Variants in GSR observed in about 807,000 individuals in gnomAD.
GSR encodes the protein glutathione-disulfide reductase, also known as glutathione reductase, mitochondrial.
In GSR, 48 loss-of-function variants were observed where a neutral mutation model predicts 56.5. The ratio of observed to expected loss-of-function variants is 0.85; its 90% CI spans 0.67 to 1.08. The LOEUF (loss-of-function observed/expected upper bound fraction) is 1.08, where lower values mean the gene tolerates loss of function less well. GSR is among the 50% of genes least tolerant of loss of function. The pLI, the probability that GSR is intolerant of heterozygous loss-of-function variation, is 0.00. For missense variants in GSR, 694 were observed against 703.3 expected (o/e 0.99, Z 0.15); for synonymous variants, 264 against 270.8 (o/e 0.97, Z 0.25).
chr8:30,708,685 G>A (rs939061575), intron 3 of GSR, among the ~76,000 whole-genome samples: 8 of 152,068 alleles, frequency 5.3e-5, no homozygotes, highest in Admixed American at 2.0e-4. Flanking sequence ...GGCCGGGCGC[G>A]GTGGCTCACG....
At chr8:30,708,679 G>T (rs571991403) in intron 3 of GSR, among the ~76,000 whole-genome samples, 1 of 152,102 alleles carries the variant, frequency 6.6e-6, no homozygotes, top group Non-Finnish European at 1.5e-5. Flanking sequence ...AAAACAGGCC[G>T]GGCGCGGTGG....
At chr8:30,711,524 T>C (rs1164209393) in intron 2 of GSR, among the ~76,000 whole-genome samples, 1 of 152,168 alleles carries the variant, frequency 6.6e-6, no homozygotes, top group African/African-American at 2.4e-5. Flanking sequence ...GAAAAAACTA[T>C]CCTGTGGTGT....
rs537989485 is a variant in GSR, at chr8:30,713,060, G to A, written c.307-972C>T. 6.0e-5 allele frequency among the ~76,000 whole-genome samples: 9 copies of A among 150,122 alleles called. No homozygotes were observed. The South Asian group carries it at 1.5e-3, about 24-fold the overall frequency. On this transcript the variant is annotated intron_variant, in intron 1 of 12. Transcript: ENST00000221130. ...AACTACTTTTTTTTTTTTTTGAGAC[G>A]GAGTCTCGCTTTGTTGCCCAGGCTG...
intron 1 of GSR, among the ~76,000 whole-genome samples, chr8:30,715,176 C>A (rs867095353): frequency 6.6e-6 from 1 of 152,076 alleles, no homozygotes; most frequent in Admixed American, 6.6e-5. Context: ...GCCCGTAGTT[C>A]CAGCTATTCA....
intron 7 of GSR, among the ~76,000 whole-genome samples, chr8:30,696,012 C>G (rs1803531181): frequency 6.6e-6 from 1 of 152,024 alleles, no homozygotes; most frequent in Admixed American, 6.6e-5. Flanking sequence ...TGCACTCCAG[C>G]CTGGACAAAA....
intron 6 of GSR, among the ~76,000 whole-genome samples, chr8:30,698,617 C>G (rs1044278710): frequency 5.9e-5 from 9 of 152,202 alleles, no homozygotes; most frequent in Non-Finnish European, 7.3e-5. Context: ...AAGCAGCTCC[C>G]TGGTCCTTTC....
chr8:30,695,281 G>A (rs1803508460), intron 7 of GSR, among the ~76,000 whole-genome samples: 1 of 152,068 alleles, frequency 6.6e-6, no homozygotes, highest in South Asian at 2.1e-4. Flanking sequence ...TGTTGCCCAG[G>A]CTGGAGTGCA....
intron 1 of GSR, among the ~76,000 whole-genome samples, chr8:30,715,789 C>T (rs1405675286): frequency 2.0e-5 from 3 of 152,194 alleles, no homozygotes; most frequent in Non-Finnish European, 4.4e-5. Context: ...ACTCAATGTT[C>T]TAAACTACTC....
chr8:30,684,780 C>T (rs1023863892), intron 9 of GSR, among the ~76,000 whole-genome samples: 8 of 151,916 alleles, frequency 5.3e-5, no homozygotes, highest in East Asian at 1.9e-4. Flanking sequence ...GACAGGGTCT[C>T]GCTCTGTTAC....
chr8:30,691,820 C>T (rs1165708605), intron 8 of GSR, among the ~76,000 whole-genome samples: 6 of 151,536 alleles, frequency 4.0e-5, no homozygotes, highest in Non-Finnish European at 8.8e-5. Flanking sequence ...AATCAGGGGC[C>T]GGGTGTGGTG....
intron 1 of GSR, among the ~76,000 whole-genome samples, chr8:30,714,524 A>T (rs914955139): frequency 8.6e-5 from 13 of 151,126 alleles, no homozygotes; most frequent in African/African-American, 3.2e-4. Context: ...AAAAATAAAA[A>T]ATATTTTTCT....
At chr8:30,682,235 G>A (rs749101302) in intron 10 of GSR, among the ~76,000 whole-genome samples, 174 bp from the exon 11 acceptor site, 9 of 152,058 alleles carry the variant, frequency 5.9e-5, no homozygotes, top group South Asian at 2.1e-4. Context: ...ATGCCTCAGC[G>A]AACAACTCAA....
chr8:30,712,708 C>T (rs966683532), intron 1 of GSR, among the ~76,000 whole-genome samples: 4 of 152,070 alleles, frequency 2.6e-5, no homozygotes, highest in Admixed American at 6.6e-5. Flanking sequence ...CAAAGAAAGG[C>T]TGAACATTGA....
At chr8:30,722,631 C>A (rs1804581129) in intron 1 of GSR, among the ~76,000 whole-genome samples, 1 of 150,172 alleles carries the variant, frequency 6.7e-6, no homozygotes, top group South Asian at 2.1e-4. Flanking sequence ...ACTGGGGAGG[C>A]TGAGGTGGGA....
At chr8:30,696,332 T>G (rs755033052) in intron 7 of GSR, 48 bp downstream of exon 7, 14 of 1,271,368 alleles carry the variant, frequency 1.1e-5, no homozygotes, top group Non-Finnish European at 1.6e-5. Context: ...AATTCTTCAT[T>G]TTTTAAATTA....
intron 2 of GSR, among the ~76,000 whole-genome samples, chr8:30,710,885 TA>T (rs910651307): frequency 2.0e-5 from 3 of 150,718 alleles, no homozygotes; most frequent in African/African-American, 2.4e-5. Flanking sequence ...GTGGTATATT[TA>T]AAAAAAAATA....
chr8:30,689,042 G>A lies in GSR; in HGVS notation c.1041+119C>T, dbSNP rs1199598300. 9 of 841,564 alleles carry A rather than the reference G, an allele frequency of 1.1e-5. No homozygotes were observed. In the African/African-American group the frequency reaches 1.3e-4, roughly 13 times the overall value. The allele number at this position is 841,564 out of a possible 1,614,324, so 52.1% of individuals were successfully genotyped here. On this transcript the variant is annotated intron_variant, in intron 9 of 12. Transcript: ENST00000221130. ...AAATTTGATCACAAACTGAATACAT[G>A]GGAAAAAGAGAAAAGAATCCAATGG...
intron 8 of GSR, 49 bp downstream of exon 8, chr8:30,692,920 A>G: frequency 8.9e-7 from 1 of 1,121,986 alleles, no homozygotes; most frequent in Non-Finnish European, 1.4e-6. Flanking sequence ...CACAAGCAGA[A>G]AGTGTGATTG....
At chr8:30,693,725 C>T (rs1196100340) in intron 7 of GSR, among the ~76,000 whole-genome samples, 4 of 152,150 alleles carry the variant, frequency 2.6e-5, no homozygotes, top group South Asian at 2.1e-4. Context: ...GACGGGGTTT[C>T]GCCATGTCGG....
Sources: gnomAD v4.1 joint callset for allele counts (sites outside exome capture counted in the v4.1 genomes callset) on GRCh38, gnomAD v4.1.1 for gene constraint, MANE v1.5 for transcripts, NCBI Gene and HGNC (gene_info 2026-07-23, HGNC 2026-07-21) for gene names.